GLIS3: variants seen among roughly 807,000 people sequenced by gnomAD.
GLIS3 encodes the protein zinc finger protein GLIS3.
GLIS3 carries 53 observed loss-of-function variants against 78.6 expected under a neutral mutation model. The observed-to-expected ratio is 0.67, with a 90% CI of 0.54 to 0.85. The LOEUF (loss-of-function observed/expected upper bound fraction) is 0.85. Ranked by LOEUF, GLIS3 falls within the 40% of genes least tolerant of loss-of-function variation. The pLI, the probability that GLIS3 is intolerant of heterozygous loss-of-function variation, is 0.00. For missense variants in GLIS3, 1,703 were observed against 1,231.1 expected, an observed-to-expected ratio of 1.38 and a Z score of -5.74; for synonymous variants, 684 against 509.9, an observed-to-expected ratio of 1.34 and a Z score of -4.60.
intron 7 of GLIS3, among the ~76,000 whole-genome samples, chr9:3,897,413 CA>C (rs956568528): frequency 6.6e-6 from 1 of 151,900 alleles, no homozygotes; most frequent in Admixed American, 6.6e-5. Context: ...CACACAAAAA[CA>C]AAAGCTAGTC....
At chr9:4,443,976 A>T in the GLIS3 span, among the ~76,000 whole-genome samples, 1 of 152,186 alleles carries the variant, frequency 6.6e-6, no homozygotes, top group African/African-American at 2.4e-5. Flanking sequence ...GCTTCTCTAC[A>T]ATACAGTCAA....
At chr9:3,993,987 T>A (rs1389822925) in intron 4 of GLIS3, among the ~76,000 whole-genome samples, 1 of 152,218 alleles carries the variant, frequency 6.6e-6, no homozygotes, top group Non-Finnish European at 1.5e-5. Flanking sequence ...CTACTACGCA[T>A]CAGAGTCATC....
At chr9:4,272,404 A>G (rs1826597415) in intron 2 of GLIS3, among the ~76,000 whole-genome samples, 1 of 152,172 alleles carries the variant, frequency 6.6e-6, no homozygotes. Flanking sequence ...CTGCCAAAAA[A>G]CAAAACAACA....
At chr9:4,121,964 T>C (rs1173869288) in intron 3 of GLIS3, among the ~76,000 whole-genome samples, 2 of 152,260 alleles carry the variant, frequency 1.3e-5, no homozygotes, top group East Asian at 1.9e-4. Flanking sequence ...AGCTGTATCA[T>C]TATTTGAGAG....
chr9:4,309,467 T>C (rs1442887735), intron 3 of GLIS3, among the ~76,000 whole-genome samples: 1 of 151,866 alleles, frequency 6.6e-6, no homozygotes, highest in Admixed American at 6.6e-5. Flanking sequence ...GAGTCCTGAG[T>C]GGGTTCTCAA....
intron 8 of GLIS3, among the ~76,000 whole-genome samples, chr9:3,865,654 G>T (rs1184279328): frequency 6.6e-6 from 1 of 152,162 alleles, no homozygotes; most frequent in African/African-American, 2.4e-5. Flanking sequence ...AGCCTTTCTT[G>T]TTACTGTCAT....
At chr9:4,028,465 G>C (rs934232690) in intron 4 of GLIS3, among the ~76,000 whole-genome samples, 4 of 151,942 alleles carry the variant, frequency 2.6e-5, no homozygotes. Flanking sequence ...AAGGAAATAG[G>C]GCTTTTCTCT....
the GLIS3 span, among the ~76,000 whole-genome samples, chr9:4,423,004 G>A: frequency 6.6e-6 from 1 of 152,286 alleles, no homozygotes; most frequent in South Asian, 2.1e-4. Context: ...AAAATTAGGT[G>A]TGTTCTAAGG....
At chr9:4,344,024 T>C (rs1251367600) in intron 2 of GLIS3, among the ~76,000 whole-genome samples, 1 of 152,140 alleles carries the variant, frequency 6.6e-6, no homozygotes, top group African/African-American at 2.4e-5. Flanking sequence ...CAACGTACAA[T>C]TGACTCATAT....
chr9:4,033,956 G>A (rs894812170), intron 4 of GLIS3, among the ~76,000 whole-genome samples: 5 of 148,572 alleles, frequency 3.4e-5, no homozygotes, highest in African/African-American at 1.2e-4. Flanking sequence ...TTAAAAAACT[G>A]TAATACTATA....
intron 4 of GLIS3, among the ~76,000 whole-genome samples, chr9:4,084,388 T>C (rs1828835556): frequency 6.6e-6 from 1 of 151,952 alleles, no homozygotes; most frequent in Non-Finnish European, 1.5e-5. Flanking sequence ...TAGAAATGCA[T>C]GCGCAAGGAG....
At chr9:4,260,192 G>C (rs1825377111) in intron 2 of GLIS3, among the ~76,000 whole-genome samples, 1 of 152,198 alleles carries the variant, frequency 6.6e-6, no homozygotes, top group South Asian at 2.1e-4. Context: ...TAGCACTTTG[G>C]GAGGCCGAGG....
chr9:4,153,956 G>C (rs914893618), intron 2 of GLIS3, among the ~76,000 whole-genome samples: 2 of 152,204 alleles, frequency 1.3e-5, no homozygotes, highest in African/African-American at 4.8e-5. Context: ...TAGGACAGCA[G>C]TCATCTGAAG....
chr9:3,995,362 T>C (rs1402650687), intron 4 of GLIS3, among the ~76,000 whole-genome samples: 1 of 152,102 alleles, frequency 6.6e-6, no homozygotes, highest in Admixed American at 6.5e-5. Flanking sequence ...CATGGAAGAA[T>C]GCATCTAAAC....
intron 2 of GLIS3, among the ~76,000 whole-genome samples, chr9:4,255,707 G>C (rs903535258): frequency 2.0e-5 from 3 of 152,070 alleles, no homozygotes; most frequent in African/African-American, 4.8e-5. Flanking sequence ...AAGAGCTAGG[G>C]GAAAGGGAGG....
chr9:3,978,717 G>C (rs1360248361), intron 4 of GLIS3, among the ~76,000 whole-genome samples: 2 of 151,818 alleles, frequency 1.3e-5, no homozygotes, highest in African/African-American at 2.4e-5. Context: ...TATATAATTT[G>C]ATTATTATAT....
At chr9:4,028,329 T>G (rs941413026) in intron 4 of GLIS3, among the ~76,000 whole-genome samples, 2 of 152,156 alleles carry the variant, frequency 1.3e-5, no homozygotes, top group African/African-American at 4.8e-5. Flanking sequence ...ATGCATTACT[T>G]CATAAAGAGC....
At chr9:4,169,424 A>G (rs1446007712) in intron 2 of GLIS3, among the ~76,000 whole-genome samples, 1 of 152,226 alleles carries the variant, frequency 6.6e-6, no homozygotes, top group Non-Finnish European at 1.5e-5. Flanking sequence ...GAAAGAACAC[A>G]GGAGAATGAG....
At chr9:3,840,573 C>T (rs1052964657) in intron 9 of GLIS3, among the ~76,000 whole-genome samples, 1 of 152,182 alleles carries the variant, frequency 6.6e-6, no homozygotes, top group Non-Finnish European at 1.5e-5. Flanking sequence ...TAAGCAACTA[C>T]TCTACTAAGA....
Sources: allele counts gnomAD v4.1 joint callset (sites outside exome capture counted in the v4.1 genomes callset), GRCh38; gene constraint gnomAD v4.1.1; transcripts MANE v1.5; gene names NCBI Gene and HGNC (gene_info 2026-07-23, HGNC 2026-07-21).